The following TNKS variants were observed in gnomAD, a reference collection of about 807,000 sequenced individuals.
The protein encoded by TNKS is poly [ADP-ribose] polymerase tankyrase-1.
Under a neutral mutation model 135.8 loss-of-function variants are expected in TNKS, and 72 were observed. That is an observed-to-expected ratio of 0.53 (90% CI 0.44 to 0.64). TNKS has a LOEUF of 0.64. TNKS is among the 30% of genes least tolerant of loss of function. TNKS has a pLI of 0.00. For missense variants in TNKS, 1,769 were observed against 1,674.0 expected (o/e 1.06, Z -0.99); for synonymous variants, 849 against 649.3 (o/e 1.31, Z -4.68).
At chr8:9,632,961 C>T (rs981444184) in intron 3 of TNKS, among the ~76,000 whole-genome samples, 3 of 152,156 alleles carry the variant, frequency 2.0e-5, no homozygotes, top group Non-Finnish European at 2.9e-5. Flanking sequence ...AATCTCCTGA[C>T]CTCGTGATCT....
chr8:9,607,626 A>G (rs1205496265), intron 2 of TNKS, among the ~76,000 whole-genome samples: 1 of 152,236 alleles, frequency 6.6e-6, no homozygotes, highest in Non-Finnish European at 1.5e-5. Context: ...TGTCGTATCA[A>G]AAATACTCGT....
chr8:9,725,352 T>G lies in TNKS; in HGVS notation c.1922-1289T>G, dbSNP rs1271483979. 5.9e-5 allele frequency among the ~76,000 whole-genome samples: 9 copies of G among 152,366 alleles called. No homozygotes were observed. In the East Asian group the frequency reaches 1.7e-3, roughly 29 times the overall value. On this transcript the variant is annotated intron_variant, in intron 12 of 26. Transcript: ENST00000310430. ...TAAAATGTAATATAACTCTTAAGAA[T>G]AATAATTCAAAGATTTACTTTGTTA...
intron 3 of TNKS, among the ~76,000 whole-genome samples, chr8:9,617,549 A>G (rs560793864): frequency 1.3e-5 from 2 of 152,346 alleles, no homozygotes; most frequent in East Asian, 1.9e-4. Flanking sequence ...CATTCATGCT[A>G]TATAATGCAG....
chr8:9,760,005 A>AT (rs1554487150), intron 20 of TNKS, among the ~76,000 whole-genome samples: 1 of 151,904 alleles, frequency 6.6e-6, no homozygotes, highest in Non-Finnish European at 1.5e-5. Flanking sequence ...AAAAAAAAAA[A>AT]GTAAAGTCTG....
chr8:9,614,547 C>T (rs1432092129), intron 2 of TNKS, among the ~76,000 whole-genome samples: 3 of 152,148 alleles, frequency 2.0e-5, no homozygotes, highest in African/African-American at 4.8e-5. Flanking sequence ...GAAGGACTTA[C>T]GGCTTGGTAA....
At chr8:9,713,860 A>G (rs1804454203) in intron 11 of TNKS, among the ~76,000 whole-genome samples, 1 of 152,026 alleles carries the variant, frequency 6.6e-6, no homozygotes, top group South Asian at 2.1e-4. Flanking sequence ...CTTGCGTAGT[A>G]TTTCTTTCTG....
intron 5 of TNKS, among the ~76,000 whole-genome samples, chr8:9,682,197 T>G (rs569995089): frequency 6.6e-6 from 1 of 152,228 alleles, no homozygotes; most frequent in South Asian, 2.1e-4. Flanking sequence ...TTATCTGTGG[T>G]TAAATGCAGC....
At chr8:9,639,717 C>G (rs886140211) in intron 3 of TNKS, among the ~76,000 whole-genome samples, 1 of 151,974 alleles carries the variant, frequency 6.6e-6, no homozygotes, top group African/African-American at 2.4e-5. Flanking sequence ...GTGATGAGTT[C>G]TTGTTATCTT....
chr8:9,765,501 T>C (rs1453311252), intron 23 of TNKS, among the ~76,000 whole-genome samples, 191 bp from the exon 24 acceptor site: 2 of 152,140 alleles, frequency 1.3e-5, no homozygotes, highest in Non-Finnish European at 2.9e-5. Context: ...CAACAAAAAC[T>C]GTAACTGAAA....
Position 9,779,008 on chromosome 8 carries a change from G to T in TNKS, c.*2272G>T, listed in dbSNP as rs1237145332. The T allele has an allele frequency of 6.6e-6, 1 of 152,242 alleles. No individual in the cohort carries two copies. The highest frequency in any genetic ancestry group is 1.5e-5 in the Non-Finnish European group (1 of 68,054). The allele number at this position is 152,242 out of a possible 1,614,324, so 9.4% of individuals were successfully genotyped here. A position where few individuals can be genotyped will look rare whatever the true frequency, so the allele number is the denominator to read the frequency against. On this transcript the variant is annotated 3_prime_UTR_variant, in exon 27 of 27. Coordinates refer to ENST00000310430, the MANE Select transcript of TNKS (RefSeq NM_003747.3). ...CTGTGGTTCAGTATTTAAACTGCCA[G>T]TGTTATACGTCTCATGCTCTGTGTG...
intron 2 of TNKS, among the ~76,000 whole-genome samples, chr8:9,596,686 G>C (rs1053067860): frequency 3.9e-5 from 6 of 152,182 alleles, no homozygotes; most frequent in Non-Finnish European, 8.8e-5. Context: ...TCTGAAATCT[G>C]AATAACTCTT....
chr8:9,759,398 A>C (rs1208196734), intron 20 of TNKS, among the ~76,000 whole-genome samples: 1 of 152,240 alleles, frequency 6.6e-6, no homozygotes, highest in African/African-American at 2.4e-5. Context: ...AAGGGATTAC[A>C]GTGAAGACAC....
chr8:9,618,070 T>TC (rs1467633090), intron 3 of TNKS, among the ~76,000 whole-genome samples: 3 of 143,096 alleles, frequency 2.1e-5, no homozygotes, highest in Non-Finnish European at 4.5e-5. Flanking sequence ...CACTGCAACC[T>TC]CCGTCTCCCG....
Position 9,580,170 on chromosome 8 carries a change from A to T in TNKS, c.685A>T (p.Lys229Ter). ...TCGTTTCTTTTTAGGTTTTGGAAGGAAGGATGTTGTAGAACACTTACTACA... is the reference window on the plus strand; with the variant it reads ...TCGTTTCTTTTTAGGTTTTGGAAGGTAGGATGTTGTAGAACACTTACTACA... ...PLHFAAGFGR[K>*]DVVEHLLQMG... Residue 229 changes from lysine to a stop codon, truncating the protein, a stop_gained, in exon 2 of 27, where the codon AAG becomes TAG. Transcript: ENST00000310430. LOFTEE classifies it high-confidence loss of function. 6.2e-7 allele frequency: 1 copy of T among 1,614,118 alleles called. No individual in the cohort carries two copies. Among genetic ancestry groups the T allele is most frequent in the Non-Finnish European group, 8.5e-7 (1 of 1,179,974 alleles).
rs550627884 is a variant in TNKS at position 9,565,311 on chromosome 8, A to C, written c.673+8699A>C. Among the ~76,000 whole-genome samples the C allele has an allele frequency of 2.0e-5, 3 of 152,238 alleles. No homozygotes were observed. The South Asian group carries it at 6.2e-4, about 32-fold the overall frequency. On this transcript the variant is annotated intron_variant, in intron 1 of 26. Coordinates refer to ENST00000310430, the MANE Select transcript of TNKS (RefSeq NM_003747.3). ...TTTATTTTGGTTTTGGAAGAGGGAA[A>C]ATAACGTGATGTAAAATTTTTTCTC... is the stretch of plus-strand genomic sequence containing the variant.
At position 9,755,869 on chromosome 8, in the gene TNKS, A is replaced by G. The variant is rs574997429; in HGVS notation, c.3153+3243A>G. ...TCGGCACATCATAGCCTCACCTCCT[A>G]TCTTCACAGTTACTCTCTTGGAAGT... On this transcript the variant is annotated intron_variant, in intron 20 of 26. Transcript: ENST00000310430. Among the ~76,000 whole-genome samples the G allele has an allele frequency of 7.2e-5, 11 of 152,306 alleles. No individual in the cohort carries two copies. The South Asian group carries it at 1.5e-3, about 20-fold the overall frequency.
chr8:9,642,220 T>C (rs1243545343), intron 3 of TNKS, among the ~76,000 whole-genome samples: 4 of 146,526 alleles, frequency 2.7e-5, no homozygotes, highest in African/African-American at 1.0e-4. Flanking sequence ...ATTCTATCAA[T>C]TAAACCACAT....
intron 20 of TNKS, among the ~76,000 whole-genome samples, chr8:9,758,468 G>A (rs74301631): frequency 0.071 from 10,851 of 152,142 alleles, 420 homozygotes; most frequent in South Asian, 0.17. Context: ...TTGGATAAAT[G>A]CCAAGATAGC....
At chr8:9,734,169 C>A (rs1392266599) in intron 15 of TNKS, among the ~76,000 whole-genome samples, 4 of 151,988 alleles carry the variant, frequency 2.6e-5, no homozygotes, top group African/African-American at 7.3e-5. Flanking sequence ...TTTATTATCA[C>A]TGGTTGGTAA....
Sources: allele counts gnomAD v4.1 joint callset (sites outside exome capture counted in the v4.1 genomes callset), GRCh38; gene constraint gnomAD v4.1.1; transcripts MANE v1.5; gene names NCBI Gene and HGNC (gene_info 2026-07-23, HGNC 2026-07-21).